Variants in LOXHD1 observed in about 807,000 individuals in gnomAD.
LOXHD1 encodes the protein lipoxygenase homology domain-containing protein 1.
A neutral mutation model predicts 248.2 loss-of-function variants in LOXHD1; 205 were observed. The observed-to-expected ratio is 0.83, with a 90% CI of 0.74 to 0.93. LOXHD1 has a LOEUF of 0.93. LOXHD1 is among the 40% of genes least tolerant of loss of function. LOXHD1 has a pLI of 0.00. For synonymous variants in LOXHD1, 1,113 were observed against 1,162.8 expected, an observed-to-expected ratio of 0.96 and a Z score of 0.87; for missense variants, 2,930 against 2,971.6, an observed-to-expected ratio of 0.99 and a Z score of 0.33.
chr18:46,636,405 C>A (rs914538329), intron 4 of LOXHD1, among the ~76,000 whole-genome samples: 1 of 152,198 alleles, frequency 6.6e-6, no homozygotes, highest in Admixed American at 6.5e-5. Context: ...GCATGAAATG[C>A]AAGATTCCCA....
In LOXHD1 at chr18:46,610,888, T is replaced by C; in HGVS notation, c.647A>G (p.Glu216Gly). The part of the protein sequence containing the change: ...RRLENEKDNF[E>G]KGAEDRFILD... ...GATGAACCTGTCTTCAGCTCCCTTT[T>C]CAAAGTTGTCCTTTTCATTTTCTAG... Residue 216 changes from glutamate (E) to glycine (G), a missense_variant, in exon 6 of 41, where the codon GAA (glutamate) becomes GGA (glycine). Coordinates refer to ENST00000642948, the MANE Select transcript of LOXHD1 (RefSeq NM_001384474.1). 6.4e-7 allele frequency: 1 copy of C among 1,551,818 alleles called. No homozygotes were observed.
intron 21 of LOXHD1, among the ~76,000 whole-genome samples, chr18:46,552,839 C>A (rs567922791): frequency 6.6e-6 from 1 of 152,332 alleles, no homozygotes; most frequent in African/African-American, 2.4e-5. Context: ...GTTTCCCACC[C>A]CTTCATGTCC....
chr18:46,544,537 T>C (rs2036711749), intron 23 of LOXHD1, among the ~76,000 whole-genome samples: 1 of 152,208 alleles, frequency 6.6e-6, no homozygotes, highest in Admixed American at 6.5e-5. Context: ...TTAATTAATG[T>C]TTATTGAGTG....
rs1457228862 is a variant in LOXHD1, at chr18:46,601,471, G to A, written c.884-4C>T. The A allele has an allele frequency of 2.6e-6, 4 of 1,551,658 alleles. No homozygotes were observed. The highest frequency in any genetic ancestry group is 3.5e-6 in the Non-Finnish European group (4 of 1,147,028). On this transcript the variant is annotated splice_region_variant and splice_polypyrimidine_tract_variant and intron_variant, in intron 7 of 40. Coordinates refer to ENST00000642948, the MANE Select transcript of LOXHD1 (RefSeq NM_001384474.1). ...ACGGTGACAATATACGTAATAGCTG[G>A]TGTGGAAACAACAGGAAAGAGAGTG...
At position 46,581,087 on chromosome 18, in the gene LOXHD1, T is replaced by C. The variant is rs550242282; in HGVS notation, c.1655-1303A>G. Reference sequence around the variant, plus strand: ...CAAGGAAGTAACTTGATCTGGTCTATGTTTTAAAGAGCACTCTGGCTGCCA... The same window carrying C: ...CAAGGAAGTAACTTGATCTGGTCTACGTTTTAAAGAGCACTCTGGCTGCCA... On this transcript the variant is annotated intron_variant, in intron 12 of 40. Transcript: ENST00000642948. Among the ~76,000 whole-genome samples, 7 of 152,312 alleles carry C rather than the reference T, an allele frequency of 4.6e-5. No individual in the cohort carries two copies. The South Asian group carries it at 1.5e-3, about 32-fold the overall frequency.
intron 6 of LOXHD1, among the ~76,000 whole-genome samples, chr18:46,607,168 C>CA (rs59602837): frequency 0.029 from 3,315 of 116,220 alleles, 101 homozygotes; most frequent in African/African-American, 0.096. Flanking sequence ...CATTCTGTCT[C>CA]AAAAAAAAAA....
At chr18:46,630,770 TG>T (rs34276377) in intron 4 of LOXHD1, among the ~76,000 whole-genome samples, 54,178 of 150,120 alleles carry the variant, frequency 0.36, 10,031 homozygotes, top group East Asian at 0.53. Flanking sequence ...AAAGTGGGTA[TG>T]GGGGGGGGTG....
rs777454629 is a variant in LOXHD1 at position 46,506,034 on chromosome 18, C to T, written c.5693-11G>A. The T allele has an allele frequency of 1.2e-5, 18 of 1,551,730 alleles. No homozygotes were observed. The highest frequency in any genetic ancestry group is 1.7e-6 in the Non-Finnish European group (2 of 1,146,896). ...CATCAGTGCCTGCTCCTGGGGGGTG[C>T]ACAAGGTGAGGCTTAGGGTGCCAGC... On this transcript the variant is annotated splice_polypyrimidine_tract_variant and intron_variant, in intron 36 of 40. Transcript: ENST00000642948.
chr18:46,540,426 T>C (rs1196910812), intron 25 of LOXHD1, among the ~76,000 whole-genome samples: 1 of 152,122 alleles, frequency 6.6e-6, no homozygotes, highest in Non-Finnish European at 1.5e-5. Context: ...AGGTGTCATC[T>C]CTGCAGCATA....
At position 46,513,726 on chromosome 18, in the gene LOXHD1, G is replaced by A. The variant is rs548972983; in HGVS notation, c.5400-3911C>T. ...TTCTGATTTCAGGTTTCTGGCCTCC[G>A]GAAAAATGAGAGAAGAAAATTCTGT... On this transcript the variant is annotated intron_variant, in intron 34 of 40. Transcript: ENST00000642948. 3.9e-5 allele frequency among the ~76,000 whole-genome samples: 6 copies of A among 152,276 alleles called. No homozygotes were observed. The South Asian group carries it at 6.2e-4, about 16-fold the overall frequency.
In LOXHD1 at chr18:46,509,683, G is replaced by C; in HGVS notation, c.5517+15C>G. On this transcript the variant is annotated intron_variant, in intron 35 of 40. Coordinates refer to ENST00000642948, the MANE Select transcript of LOXHD1 (RefSeq NM_001384474.1). ...GTGGTGGCTGGAAGGAAGAGTGAGG[G>C]TCTAGACATTTTACCCTCTCCAGGA... 1.3e-6 allele frequency: 2 copies of C among 1,532,460 alleles called. No homozygotes were observed. Among genetic ancestry groups the C allele is most frequent in the Non-Finnish European group, 1.8e-6 (2 of 1,129,488 alleles). The allele number at this position is 1,532,460 out of a possible 1,614,324, so 94.9% of individuals were successfully genotyped here.
rs137855045 is a variant in LOXHD1, at chr18:46,529,364, A to C, written c.4376-33T>G. On this transcript the variant is annotated intron_variant, in intron 28 of 40. Transcript: ENST00000642948. ...GGTGGTGGGACAGACAGACAGACAAAGGGAAGAAAAGGGTGACAGCGCTTT... is the reference window on the plus strand; with the variant it reads ...GGTGGTGGGACAGACAGACAGACAACGGGAAGAAAAGGGTGACAGCGCTTT... The C allele has an allele frequency of 6.4e-5, 97 of 1,509,424 alleles. No individual in the cohort carries two copies. In the African/African-American group the frequency reaches 1.3e-3, roughly 20 times the overall value. The allele number at this position is 1,509,424 out of a possible 1,614,324, so 93.5% of individuals were successfully genotyped here.
At chr18:46,525,953 G>A (rs1167347705) in intron 29 of LOXHD1, among the ~76,000 whole-genome samples, 5 of 152,186 alleles carry the variant, frequency 3.3e-5, no homozygotes, top group African/African-American at 7.2e-5. Context: ...GAAGACAGAC[G>A]TCTCCAGGTG....
chr18:46,519,923 A>G (rs780845277), intron 33 of LOXHD1, among the ~76,000 whole-genome samples: 7 of 152,208 alleles, frequency 4.6e-5, no homozygotes, highest in Non-Finnish European at 8.8e-5. Flanking sequence ...CCTTTGTGCC[A>G]TGGATAACGG....
At chr18:46,492,489 C>T (rs918280520) in intron 37 of LOXHD1, among the ~76,000 whole-genome samples, 17 of 152,292 alleles carry the variant, frequency 1.1e-4, no homozygotes, top group African/African-American at 3.6e-4. Flanking sequence ...TGTGAGAACT[C>T]GCTCACTATC....
chr18:46,631,325 C>T (rs1221668768), intron 4 of LOXHD1, among the ~76,000 whole-genome samples: 2 of 152,204 alleles, frequency 1.3e-5, no homozygotes, highest in African/African-American at 4.8e-5. Context: ...CCACCACCAT[C>T]AGTCTTGGTG....
At chr18:46,507,453 G>T (rs1403103340) in intron 36 of LOXHD1, 85 bp downstream of exon 36, 9 of 1,474,696 alleles carry the variant, frequency 6.1e-6, no homozygotes, top group Non-Finnish European at 8.3e-6. Flanking sequence ...GAAGAAAAAT[G>T]CCCTGACCAG....
At chr18:46,507,198 A>T (rs990664846) in intron 36 of LOXHD1, among the ~76,000 whole-genome samples, 1 of 152,244 alleles carries the variant, frequency 6.6e-6, no homozygotes, top group Non-Finnish European at 1.5e-5. Flanking sequence ...GGGTCCGAGC[A>T]TGCCTGAGGT....
chr18:46,601,221 T>G lies in LOXHD1; in HGVS notation c.1130A>C (p.Glu377Ala), dbSNP rs1398057770. ...NVGVNRGWFC[E>A]KVVILCPFTG... is the part of the protein sequence containing the mutation. ...GTCTCTGGGGGCATCCCTTACCTTC[T>G]CACAGAACCAGCCTCTGTTGACACC... Residue 377 changes from glutamate (E) to alanine (A), a missense_variant, in exon 8 of 41, where the codon GAG (glutamate) becomes GCG (alanine). Coordinates refer to ENST00000642948, the MANE Select transcript of LOXHD1 (RefSeq NM_001384474.1). 1 of 1,550,630 alleles carries G rather than the reference T, an allele frequency of 6.4e-7. No individual in the cohort carries two copies. The highest frequency in any genetic ancestry group is 2.4e-5 in the East Asian group (1 of 40,896).
Sources: gnomAD v4.1 joint callset for allele counts (sites outside exome capture counted in the v4.1 genomes callset) on GRCh38, gnomAD v4.1.1 for gene constraint, MANE v1.5 for transcripts, NCBI Gene and HGNC (gene_info 2026-07-23, HGNC 2026-07-21) for gene names.